USHBP1: variants seen among roughly 807,000 people sequenced by gnomAD.
USHBP1 encodes the protein USH1 protein network component harmonin binding protein 1.
A neutral mutation model predicts 76.2 loss-of-function variants in USHBP1; 67 were observed. The observed-to-expected ratio is 0.88, with a 90% CI of 0.72 to 1.08. USHBP1 has a LOEUF of 1.08. Among genes scored for constraint, USHBP1 ranks in the 50% least tolerant of loss-of-function variants. The probability of loss-of-function intolerance (pLI) is 0.00; values close to 1 mark genes in which losing one functional copy is unlikely to be tolerated. For missense variants in USHBP1, 931 were observed against 915.0 expected (o/e 1.02, Z -0.23); for synonymous variants, 322 against 362.2 (o/e 0.89, Z 1.26).
rs33975731 is a variant in USHBP1 at position 17,261,999 on chromosome 19, A to AT, written c.642+552dup. Among the ~76,000 whole-genome samples the AT allele has an allele frequency of 4.8e-3, 599 of 124,478 alleles. 6 individuals are homozygous for AT. The highest frequency in any genetic ancestry group is 8.5e-3 in the South Asian group (32 of 3,746). 81.7% of individuals were successfully genotyped at this position (124,478 alleles called of 152,430 possible). On this transcript the variant is annotated intron_variant, in intron 4 of 12. Transcript: ENST00000252597. The stretch of plus-strand genomic sequence containing the variant: ...CCACTGCACCCAGCCAACCTGGCTG[A>AT]TTTTTTTTTTTTTTTTTTTGAGACA...
chr19:17,254,744 C>T (rs1312066843), intron 10 of USHBP1, among the ~76,000 whole-genome samples: 4 of 150,780 alleles, frequency 2.7e-5, no homozygotes, highest in South Asian at 4.4e-4. Flanking sequence ...CCTCCAACTC[C>T]GGGTTCAAGT....
At chr19:17,255,748 C>T (rs2073612067) in intron 9 of USHBP1, 142 bp from the exon 10 acceptor site, 2 of 933,174 alleles carry the variant, frequency 2.1e-6, no homozygotes, top group South Asian at 1.8e-5. Context: ...TGCCTGTAAT[C>T]CCAGCACTTT....
Position 17,258,274 on chromosome 19 carries a change from C to T in USHBP1, c.1158G>A (p.Trp386Ter), listed in dbSNP as rs1185576628. Residue 386 changes from tryptophan to a stop codon, truncating the protein, a stop_gained, in exon 8 of 13, where the codon TGG (tryptophan) becomes TGA (stop). Transcript: ENST00000252597. LOFTEE classifies it high-confidence loss of function. ...SDLQAAEKEA[W>*]RLLAQEEAAM... ...CAGCCTCCTCTTGTGCCAGCAGCCT[C>T]CATGCTTCCTTTTCAGCTGCTTGCA... is the stretch of plus-strand genomic sequence containing the variant. 6.2e-7 allele frequency: 1 copy of T among 1,614,048 alleles called. No homozygotes were observed. Among genetic ancestry groups the T allele is most frequent in the Non-Finnish European group, 8.5e-7 (1 of 1,180,048 alleles).
In USHBP1 at chr19:17,250,401, C is replaced by T. The variant is rs1188336696; in HGVS notation, c.1936G>A (p.Ala646Thr). 1 of 1,612,870 alleles carries T rather than the reference C, an allele frequency of 6.2e-7. No homozygotes were observed. The highest frequency in any genetic ancestry group is 1.1e-5 in the South Asian group (1 of 91,060). ...TGCTTCCGGTGGGCTCCTCGGAAGGCCAGGACCAGGGCGCTGGAAGGGGTG... is the reference window on the plus strand; with the variant it reads ...TGCTTCCGGTGGGCTCCTCGGAAGGTCAGGACCAGGGCGCTGGAAGGGGTG... ...LCKAHSALVL[A>T]FRGAHRKQEE... The change falls in exon 13 of 13, where the codon GCC becomes ACC. Residue 646 changes from alanine (A) to threonine (T), a missense_variant. Transcript: ENST00000252597.
chr19:17,249,262 G>C lies in USHBP1; in HGVS notation c.*963C>G. ...CGATCTTGTTGTTGGCGCGATCTCG[G>C]TTCACTGCAACCCCCGCCTCTCAGG... On this transcript the variant is annotated 3_prime_UTR_variant, in exon 13 of 13. Transcript: ENST00000252597. 6.6e-6 allele frequency: 1 copy of C among 152,180 alleles called. No individual in the cohort carries two copies. The highest frequency in any genetic ancestry group is 1.9e-4 in the East Asian group (1 of 5,186). The allele number at this position is 152,180 out of a possible 1,614,324, so 9.4% of individuals were successfully genotyped here.
rs1305941612 is a variant in USHBP1, at chr19:17,263,165, G to C, written c.204-175C>G. On this transcript the variant is annotated intron_variant, in intron 3 of 12. Transcript: ENST00000252597. ...TGATTCTCCTGCCTCGGTCCCCCAA[G>C]TAGCTGGGATTACAGGCTCCCACCA... 13 of 556,378 alleles carry C rather than the reference G, an allele frequency of 2.3e-5. No individual in the cohort carries two copies. In the East Asian group the frequency reaches 3.6e-4, roughly 15 times the overall value. 34.5% of individuals were successfully genotyped at this position (556,378 alleles called of 1,614,324 possible). A position where few individuals can be genotyped will look rare whatever the true frequency, so the allele number is the denominator to read the frequency against.
chr19:17,256,619 A>G lies in USHBP1; in HGVS notation c.1322T>C (p.Ile441Thr). ...CAAGGTGGGGCCAGGCTCTGAGAGA[A>G]TCTTCATTAGAGAACGGCGCTCCTG... ...RLQERRSLMK[I>T]LSEPGPTLAP... Residue 441 changes from isoleucine to threonine, a missense_variant, in exon 9 of 13, where the codon ATT (isoleucine) becomes ACT (threonine). Ile to Thr is a moderately conservative substitution (Grantham distance 89, BLOSUM62 -1). Coordinates refer to ENST00000252597, the MANE Select transcript of USHBP1 (RefSeq NM_031941.4). The G allele has an allele frequency of 6.2e-7, 1 of 1,614,190 alleles. No individual in the cohort carries two copies. Among genetic ancestry groups the G allele is most frequent in the Non-Finnish European group, 8.5e-7 (1 of 1,180,042 alleles).
rs767668171 is a variant in USHBP1 at position 17,262,603 on chromosome 19, C to T, written c.591G>A (p.Thr197=). 4.3e-6 allele frequency: 7 copies of T among 1,613,292 alleles called. No individual in the cohort carries two copies. The highest frequency in any genetic ancestry group is 3.3e-5 in the South Asian group (3 of 91,050). ...CTCGGATGGCCTCCAGGGAGGCCTG[C>T]GTGCGGACCAGCTCATCCTCTCGGC... ...LSSREDELVR[T]QASLEAIRAE... Residue 197 remains threonine, a synonymous_variant, in exon 4 of 13, where the codon ACG becomes ACA. Coordinates refer to ENST00000252597, the MANE Select transcript of USHBP1 (RefSeq NM_031941.4).
intron 10 of USHBP1, among the ~76,000 whole-genome samples, chr19:17,254,949 T>C (rs1369430673): frequency 6.6e-6 from 1 of 151,954 alleles, no homozygotes; most frequent in Non-Finnish European, 1.5e-5. Context: ...ACACAGAATA[T>C]ACAAAGGCTT....
At chr19:17,257,121 C>G (rs989928140) in intron 8 of USHBP1, among the ~76,000 whole-genome samples, 1 of 150,464 alleles carries the variant, frequency 6.6e-6, no homozygotes, top group South Asian at 2.1e-4. Flanking sequence ...CTCGGGTTCA[C>G]GCCATTCTCC....
At position 17,259,976 on chromosome 19, in the gene USHBP1, T is replaced by C. The variant is rs762960223; in HGVS notation, c.689A>G (p.His230Arg). The C allele has an allele frequency of 6.2e-7, 1 of 1,614,010 alleles. No homozygotes were observed. The highest frequency in any genetic ancestry group is 1.1e-5 in the South Asian group (1 of 91,076). Reference sequence around the variant, plus strand: ...GCCACCTGCTTGGTTGTGGGAAAGATGTGGGCAGGGCTCCAGCCTCAAGAG... The same window carrying C: ...GCCACCTGCTTGGTTGTGGGAAAGACGTGGGCAGGGCTCCAGCCTCAAGAG... Reference protein sequence around the residue: ...DSLLRLEPCPHLSHNQAGGSG... With the variant: ...DSLLRLEPCPRLSHNQAGGSG... Residue 230 changes from histidine to arginine, a missense_variant, in exon 5 of 13, where the codon CAT becomes CGT. Transcript: ENST00000252597.
In USHBP1 at chr19:17,251,888, C is replaced by T. The variant is rs1360280006; in HGVS notation, c.1799+23G>A. ...ATAGGCTGCCTGCCCACCCCCCGCA[C>T]AGCCCAGGACCCAGGCACACACCTG... is the stretch of plus-strand genomic sequence containing the variant. On this transcript the variant is annotated intron_variant, in intron 11 of 12. Transcript: ENST00000252597. 3 of 1,525,886 alleles carry T rather than the reference C, an allele frequency of 2.0e-6. No individual in the cohort carries two copies. In the African/African-American group the frequency reaches 4.1e-5, roughly 21 times the overall value. 94.5% of individuals were successfully genotyped at this position (1,525,886 alleles called of 1,614,324 possible).
chr19:17,262,750 C>A lies in USHBP1; in HGVS notation c.444G>T (p.Glu148Asp), dbSNP rs747168964. ...CTCCCCCTTCGCTTGTGCCTTCGAA[C>A]TCCATCGGCCCAGAATGGCTGGGGG... ...HQPPSHSGPM[E>D]FEGTSEGGAG... The change falls in exon 4 of 13, where the codon GAG becomes GAT. Residue 148 changes from glutamate to aspartate, a missense_variant. By Grantham distance (45) the Glu-to-Asp change is conservative. Coordinates refer to ENST00000252597, the MANE Select transcript of USHBP1 (RefSeq NM_031941.4). 1.2e-6 allele frequency: 2 copies of A among 1,614,258 alleles called. No individual in the cohort carries two copies. The highest frequency in any genetic ancestry group is 8.5e-7 in the Non-Finnish European group (1 of 1,180,044).
Position 17,262,845 on chromosome 19 carries a change from C to A in USHBP1, c.349G>T (p.Asp117Tyr). The A allele has an allele frequency of 6.2e-7, 1 of 1,613,432 alleles. No homozygotes were observed. Among genetic ancestry groups the A allele is most frequent in the Non-Finnish European group, 8.5e-7 (1 of 1,179,482 alleles). Residue 117 changes from aspartate (D) to tyrosine (Y), a missense_variant, in exon 4 of 13, where the codon GAT (aspartate) becomes TAT (tyrosine). Transcript: ENST00000252597. ...GTGTGCTGGAGGGTCTGAAACACAT[C>A]GGGGGCCCCATTCCCAGGGGGCACA... is the stretch of plus-strand genomic sequence containing the variant. ...ETVPPGNGAP[D>Y]VFQTLQHTLS...
At chr19:17,251,785 G>C in intron 11 of USHBP1, 81 bp from the exon 12 acceptor site, 1 of 1,595,958 alleles carries the variant, frequency 6.3e-7, no homozygotes, top group Non-Finnish European at 8.5e-7. Context: ...CCTGCCCACA[G>C]TATTGTCATG....
At chr19:17,253,894 C>CAA (rs755318665) in intron 10 of USHBP1, among the ~76,000 whole-genome samples, 88 of 87,308 alleles carry the variant, frequency 1.0e-3, no homozygotes, top group African/African-American at 3.5e-3. Context: ...ATCCGTTTCC[C>CAA]AAAAAAAAAA....
intron 10 of USHBP1, among the ~76,000 whole-genome samples, chr19:17,253,441 A>C (rs1234259627): frequency 6.7e-6 from 1 of 148,690 alleles, no homozygotes; most frequent in African/African-American, 2.5e-5. Context: ...GGCACGTGCC[A>C]CCATGCCCAG....
In USHBP1 at chr19:17,250,246, C is replaced by T; in HGVS notation, c.2091G>A (p.Gln697=). ...GKPRPPLPPP[Q]LGDTFL Reference sequence around the variant, plus strand: ...GGGCCTACAGAAAGGTGTCCCCAAGCTGGGGAGGCGGGAGGGGAGGCCTGG... The same window carrying T: ...GGGCCTACAGAAAGGTGTCCCCAAGTTGGGGAGGCGGGAGGGGAGGCCTGG... The change falls in exon 13 of 13, where the codon CAG becomes CAA. Residue 697 remains glutamine, a synonymous_variant. Coordinates refer to ENST00000252597, the MANE Select transcript of USHBP1 (RefSeq NM_031941.4). 1.2e-6 allele frequency: 2 copies of T among 1,611,940 alleles called. No homozygotes were observed. The highest frequency in any genetic ancestry group is 1.7e-6 in the Non-Finnish European group (2 of 1,179,320).
chr19:17,258,969 T>C (rs929098724), intron 7 of USHBP1, among the ~76,000 whole-genome samples: 2 of 151,664 alleles, frequency 1.3e-5, no homozygotes, highest in Non-Finnish European at 2.9e-5. Flanking sequence ...AGTTCGAGAC[T>C]AGCCTGGCCA....
Sources: gnomAD v4.1 joint callset for allele counts (sites outside exome capture counted in the v4.1 genomes callset) on GRCh38, gnomAD v4.1.1 for gene constraint, MANE v1.5 for transcripts, NCBI Gene and HGNC (gene_info 2026-07-23, HGNC 2026-07-21) for gene names.